Variants in KCNH5 observed in about 807,000 individuals in gnomAD.
The protein encoded by KCNH5 is voltage-gated delayed rectifier potassium channel KCNH5.
In KCNH5, 46 loss-of-function variants were observed where a neutral mutation model predicts 96.1. That is an observed-to-expected ratio of 0.48 (90% CI 0.38 to 0.61). KCNH5 has a LOEUF of 0.61. KCNH5 is among the 20% of genes least tolerant of loss of function. The pLI is 0.00. For synonymous variants in KCNH5, 439 were observed against 449.8 expected (o/e 0.98, Z 0.30); for missense variants, 907 against 1,225.8 (o/e 0.74, Z 3.88).
At chr14:63,016,750 C>T in intron 2 of KCNH5, 81 bp downstream of exon 2, 1 of 1,399,548 alleles carries the variant, frequency 7.1e-7, no homozygotes, top group Non-Finnish European at 9.8e-7. Context: ...ATATGGGAGT[C>T]CAAGTAAGCT....
chr14:62,877,932 C>A (rs1378193296), intron 7 of KCNH5, among the ~76,000 whole-genome samples: 1 of 150,544 alleles, frequency 6.6e-6, no homozygotes, highest in Non-Finnish European at 1.5e-5. Context: ...ATAGCAAAGA[C>A]TTGGAACCAA....
Position 63,042,221 on chromosome 14 carries a change from A to G in KCNH5, c.73+2893T>C, listed in dbSNP as rs182226923. ...CTGTTTTGCTCCTTGTGTGCAAGACAGAGAAAAAGAGTTAGATTGCTTCCT... is the reference window on the plus strand; with the variant it reads ...CTGTTTTGCTCCTTGTGTGCAAGACGGAGAAAAAGAGTTAGATTGCTTCCT... On this transcript the variant is annotated intron_variant, in intron 1 of 10. Transcript: ENST00000322893. 2.0e-5 allele frequency among the ~76,000 whole-genome samples: 3 copies of G among 152,104 alleles called. No individual in the cohort carries two copies. In the East Asian group the frequency reaches 5.8e-4, roughly 29 times the overall value.
chr14:62,992,137 T>C (rs140903301), intron 4 of KCNH5, among the ~76,000 whole-genome samples: 5 of 152,174 alleles, frequency 3.3e-5, no homozygotes, highest in East Asian at 1.9e-4. Flanking sequence ...ATTCCATCCA[T>C]GTTGCTGCAG....
intron 10 of KCNH5, among the ~76,000 whole-genome samples, chr14:62,762,035 G>A (rs1885763078): frequency 6.6e-6 from 1 of 152,174 alleles, no homozygotes; most frequent in Admixed American, 6.5e-5. Flanking sequence ...TGGACCTCCA[G>A]AATCCTAGCT....
chr14:62,741,958 A>G lies in KCNH5; in HGVS notation c.2020-33503T>C, dbSNP rs116180896. ...TATCAAAGTAAAACCCTGTGGTTTAAATTCTGTTTCTGCTGCTTATCAGGG... is the reference window on the plus strand; with the variant it reads ...TATCAAAGTAAAACCCTGTGGTTTAGATTCTGTTTCTGCTGCTTATCAGGG... On this transcript the variant is annotated intron_variant, in intron 10 of 10. Coordinates refer to ENST00000322893, the MANE Select transcript of KCNH5 (RefSeq NM_139318.5). Among the ~76,000 whole-genome samples the G allele has an allele frequency of 6.0e-3, 915 of 152,278 alleles. 6 individuals carry two copies. Among genetic ancestry groups the G allele is most frequent in the African/African-American group, 0.021 (870 of 41,554 alleles).
chr14:62,781,548 G>T (rs767678255), intron 9 of KCNH5, among the ~76,000 whole-genome samples: 23 of 152,304 alleles, frequency 1.5e-4, no homozygotes, highest in Admixed American at 3.9e-4. Flanking sequence ...CCGGCGGGGG[G>T]TGGGGGGCAG....
Position 62,707,746 on chromosome 14 carries a change from A to G in KCNH5, c.2729T>C (p.Leu910Pro), listed in dbSNP as rs1566633577. ...TTTGAGTTCGTGTTTGACTTCCTGCAGTGTGGTCTGTAAGGCCTGCTCGGG... is the reference window on the plus strand; with the variant it reads ...TTTGAGTTCGTGTTTGACTTCCTGCGGTGTGGTCTGTAAGGCCTGCTCGGG... ...PIPEQALQTT[L>P]QEVKHELKED... Residue 910 changes from leucine to proline, a missense_variant, in exon 11 of 11, where the codon CTG (leucine) becomes CCG (proline). Physicochemically the swap from Leu to Pro is moderately conservative, Grantham distance 98. This residue lies in a region of KCNH5 where 362 missense variants were observed against 394.4 expected (regional missense o/e 0.92). Coordinates refer to ENST00000322893, the MANE Select transcript of KCNH5 (RefSeq NM_139318.5). 6.2e-7 allele frequency: 1 copy of G among 1,613,774 alleles called. No individual in the cohort carries two copies. Among genetic ancestry groups the G allele is most frequent in the Non-Finnish European group, 8.5e-7 (1 of 1,179,726 alleles).
chr14:62,949,344 G>C (rs929703406), intron 7 of KCNH5, among the ~76,000 whole-genome samples: 1 of 152,202 alleles, frequency 6.6e-6, no homozygotes, highest in African/African-American at 2.4e-5. Context: ...ACAATCTTAA[G>C]GTTAGTTTAG....
intron 10 of KCNH5, among the ~76,000 whole-genome samples, chr14:62,755,720 C>T (rs996353720): frequency 6.6e-6 from 1 of 152,132 alleles, no homozygotes. Flanking sequence ...AAAATACTAG[C>T]AAGAATAATT....
intron 4 of KCNH5, among the ~76,000 whole-genome samples, chr14:62,996,448 A>AT (rs1330564894): frequency 1.3e-5 from 2 of 152,180 alleles, no homozygotes; most frequent in Non-Finnish European, 2.9e-5. Context: ...ATGGGGTCTG[A>AT]TTTTCCCTAT....
chr14:63,015,229 A>G (rs901548050), intron 2 of KCNH5, among the ~76,000 whole-genome samples: 1 of 152,100 alleles, frequency 6.6e-6, no homozygotes, highest in African/African-American at 2.4e-5. Flanking sequence ...GGTTAAAAAT[A>G]CTGACTCCCT....
rs146518784 is a variant in KCNH5 at position 62,787,473 on chromosome 14, T to C, written c.1823-7549A>G. ...ATGCAAGCTGAAACACAAGTACTGA[T>C]GTAGAAGCTGCAGCAAGTTATCCAG... is the stretch of plus-strand genomic sequence containing the variant. On this transcript the variant is annotated intron_variant, in intron 9 of 10. Transcript: ENST00000322893. Among the ~76,000 whole-genome samples the C allele has an allele frequency of 2.6e-5, 4 of 152,276 alleles. No individual in the cohort carries two copies. In the East Asian group the frequency reaches 7.7e-4, roughly 29 times the overall value.
chr14:62,935,854 A>G (rs1889670119), intron 7 of KCNH5, among the ~76,000 whole-genome samples: 1 of 152,194 alleles, frequency 6.6e-6, no homozygotes, highest in Non-Finnish European at 1.5e-5. Flanking sequence ...TGAGCAAAAT[A>G]TCTGAGAGTC....
chr14:62,873,149 C>CA (rs34678951), intron 7 of KCNH5, among the ~76,000 whole-genome samples: 10,696 of 113,754 alleles, frequency 0.094, 746 homozygotes, highest in African/African-American at 0.25. Context: ...GACTCTGACT[C>CA]AAAAAAAAAA....
intron 7 of KCNH5, among the ~76,000 whole-genome samples, chr14:62,921,332 T>A (rs913197783): frequency 6.6e-6 from 1 of 152,118 alleles, no homozygotes; most frequent in Non-Finnish European, 1.5e-5. Context: ...TAAATTAAAA[T>A]CTGTTCTTTA....
At chr14:63,015,939 G>GTA (rs953531622) in intron 2 of KCNH5, among the ~76,000 whole-genome samples, 3 of 150,936 alleles carry the variant, frequency 2.0e-5, no homozygotes, top group East Asian at 1.9e-4. Flanking sequence ...ATATATATAT[G>GTA]TATATATATA....
rs1401900994 is a variant in KCNH5, at chr14:62,915,962, T to G, written c.1369+34171A>C. On this transcript the variant is annotated intron_variant, in intron 7 of 10. Transcript: ENST00000322893. Reference sequence around the variant, plus strand: ...TTTTCTTTTTTTTTCTTTTTTTTCTTTTTTTTTTTTGAGATGGAGTCTCGC... The same window carrying G: ...TTTTCTTTTTTTTTCTTTTTTTTCTGTTTTTTTTTTGAGATGGAGTCTCGC... 3.4e-5 allele frequency among the ~76,000 whole-genome samples: 5 copies of G among 148,298 alleles called. No individual in the cohort carries two copies. The East Asian group carries it at 9.8e-4, about 29-fold the overall frequency.
At chr14:62,798,824 G>T (rs1027202709) in intron 9 of KCNH5, among the ~76,000 whole-genome samples, 1 of 152,082 alleles carries the variant, frequency 6.6e-6, no homozygotes, top group Non-Finnish European at 1.5e-5. Context: ...CTGTTTAGTG[G>T]CAAGAATCCA....
rs144546637 is a variant in KCNH5 at position 62,837,624 on chromosome 14, T to A, written c.1569+12029A>T. Among the ~76,000 whole-genome samples, 786 of 152,306 alleles carry A rather than the reference T, an allele frequency of 5.2e-3. 5 individuals are homozygous for A. The highest frequency in any genetic ancestry group is 0.015 in the African/African-American group (639 of 41,568). ...ATTAATCCTTAATAGTAAAAATGATTTGAAGTTTGAGGTTTGGAGTTTTGT... is the reference window on the plus strand; with the variant it reads ...ATTAATCCTTAATAGTAAAAATGATATGAAGTTTGAGGTTTGGAGTTTTGT... On this transcript the variant is annotated intron_variant, in intron 8 of 10. Transcript: ENST00000322893.
Sources: gnomAD v4.1 joint callset for allele counts (sites outside exome capture counted in the v4.1 genomes callset) on GRCh38, gnomAD v4.1.1 for gene constraint, gnomAD v4.1.1 regional missense constraint, MANE v1.5 for transcripts, NCBI Gene and HGNC (gene_info 2026-07-23, HGNC 2026-07-21) for gene names.